CSNK2A2IP: variants seen among roughly 807,000 people sequenced by gnomAD.
CSNK2A2IP encodes casein kinase II subunit alpha'-interacting protein.
At chr3:88,346,177 G>A in the CSNK2A2IP span, among the ~76,000 whole-genome samples, 7 of 151,962 alleles carry the variant, frequency 4.6e-5, no homozygotes, top group African/African-American at 1.7e-4. Flanking sequence ...AGCTGCAGAA[G>A]AAAAGTTTAA....
At chr3:88,395,806 ATG>A in the CSNK2A2IP span, among the ~76,000 whole-genome samples, 1 of 152,160 alleles carries the variant, frequency 6.6e-6, no homozygotes, top group Non-Finnish European at 1.5e-5. Context: ...TTCAATGTAC[ATG>A]TCTTTCATAT....
At chr3:88,466,702 TG>T in the CSNK2A2IP span, 2 of 1,135,684 alleles carry the variant, frequency 1.8e-6, no homozygotes, top group African/African-American at 1.6e-5. Flanking sequence ...GAGGGATCTC[TG>T]TAGGCAGATT....
chr3:88,463,231 A>G, the CSNK2A2IP span, among the ~76,000 whole-genome samples: 3 of 150,706 alleles, frequency 2.0e-5, no homozygotes, highest in South Asian at 6.3e-4. Context: ...GACTGATTTC[A>G]GAATCTGTTG....
chr3:88,367,755 T>C, the CSNK2A2IP span, among the ~76,000 whole-genome samples: 2 of 152,132 alleles, frequency 1.3e-5, no homozygotes, highest in Non-Finnish European at 2.9e-5. Context: ...CTGTGTTATC[T>C]AAATAATTTG....
the CSNK2A2IP span, among the ~76,000 whole-genome samples, chr3:88,404,636 A>G: frequency 8.2e-6 from 1 of 122,538 alleles, no homozygotes; most frequent in Non-Finnish European, 1.9e-5. Context: ...ATAACCTATT[A>G]TTATCCATAC....
chr3:88,444,292 C>A, the CSNK2A2IP span, among the ~76,000 whole-genome samples: 2 of 152,106 alleles, frequency 1.3e-5, no homozygotes, highest in South Asian at 4.2e-4. Flanking sequence ...AAATTGAAGA[C>A]CTCTTAAAAG....
At chr3:88,394,124 C>T in the CSNK2A2IP span, among the ~76,000 whole-genome samples, 2,900 of 152,164 alleles carry the variant, frequency 0.019, 84 homozygotes, top group African/African-American at 0.064. Flanking sequence ...AAAAATTTAA[C>T]AACATAAACT....
the CSNK2A2IP span, among the ~76,000 whole-genome samples, chr3:88,348,474 A>G: frequency 6.6e-6 from 1 of 152,084 alleles, no homozygotes; most frequent in African/African-American, 2.4e-5. Context: ...AATCCAGAAG[A>G]CACTATAGAA....
chr3:88,394,194 T>C, the CSNK2A2IP span, among the ~76,000 whole-genome samples: 1 of 152,206 alleles, frequency 6.6e-6, no homozygotes, highest in Non-Finnish European at 1.5e-5. Flanking sequence ...TATAATGATA[T>C]GTGTATGTTC....
chr3:88,428,876 T>G, the CSNK2A2IP span, among the ~76,000 whole-genome samples: 1 of 151,958 alleles, frequency 6.6e-6, no homozygotes, highest in African/African-American at 2.4e-5. Context: ...TATAATTGAC[T>G]AATGATATCT....
the CSNK2A2IP span, among the ~76,000 whole-genome samples, chr3:88,358,372 G>T: frequency 1.3e-5 from 2 of 152,184 alleles, no homozygotes; most frequent in East Asian, 1.9e-4. Context: ...ATACTATAGT[G>T]AATGAAAGTA....
chr3:88,415,122 C>T, the CSNK2A2IP span, among the ~76,000 whole-genome samples: 1 of 151,850 alleles, frequency 6.6e-6, no homozygotes, highest in South Asian at 2.1e-4. Flanking sequence ...AGGGTGGAAT[C>T]ATAAACAATG....
chr3:88,419,965 A>C, the CSNK2A2IP span, among the ~76,000 whole-genome samples: 2 of 152,182 alleles, frequency 1.3e-5, no homozygotes, highest in African/African-American at 4.8e-5. Flanking sequence ...AGAGGAAAAA[A>C]ACCAATACAT....
the CSNK2A2IP span, among the ~76,000 whole-genome samples, chr3:88,412,206 A>G: frequency 6.6e-6 from 1 of 151,998 alleles, no homozygotes; most frequent in South Asian, 2.1e-4. Flanking sequence ...CTTTGACTAT[A>G]TAAAATTACT....
chr3:88,363,049 G>A, the CSNK2A2IP span, among the ~76,000 whole-genome samples: 1,513 of 152,164 alleles, frequency 9.9e-3, 22 homozygotes, highest in African/African-American at 0.035. Flanking sequence ...GGGTGGCAAT[G>A]AGTTCCAAAG....
the CSNK2A2IP span, among the ~76,000 whole-genome samples, chr3:88,374,501 T>C: frequency 6.6e-6 from 1 of 151,818 alleles, no homozygotes; most frequent in South Asian, 2.1e-4. Context: ...AATACTGATA[T>C]GGACACCTTC....
At chr3:88,411,834 T>C in the CSNK2A2IP span, among the ~76,000 whole-genome samples, 1 of 150,834 alleles carries the variant, frequency 6.6e-6, no homozygotes, top group Non-Finnish European at 1.5e-5. Context: ...TTTTATTTTA[T>C]ATTATTAAAT....
the CSNK2A2IP span, among the ~76,000 whole-genome samples, chr3:88,366,844 T>A: frequency 6.6e-6 from 1 of 152,094 alleles, no homozygotes; most frequent in African/African-American, 2.4e-5. Flanking sequence ...AACTCACAGT[T>A]CCACATGGCT....
chr3:88,423,002 A>G, the CSNK2A2IP span, among the ~76,000 whole-genome samples: 2 of 152,178 alleles, frequency 1.3e-5, no homozygotes, highest in African/African-American at 2.4e-5. Flanking sequence ...ACCTATTTAA[A>G]TTGTCATCCT....
Sources: gnomAD v4.1 joint callset for allele counts (sites outside exome capture counted in the v4.1 genomes callset) on GRCh38, gnomAD v4.1.1 for gene constraint, MANE v1.5 for transcripts, NCBI Gene and HGNC (gene_info 2026-07-23, HGNC 2026-07-21) for gene names.